The following ECHDC2 variants were observed in gnomAD, a reference collection of about 807,000 sequenced individuals.
The protein encoded by ECHDC2 is enoyl-CoA hydratase domain-containing protein 2, mitochondrial.
In ECHDC2, 34 loss-of-function variants were observed where a neutral mutation model predicts 40.6. The ratio of observed to expected loss-of-function variants is 0.84; its 90% CI spans 0.64 to 1.11. ECHDC2 has a LOEUF of 1.11. Ranked by LOEUF, ECHDC2 falls within the 50% of genes most tolerant of loss-of-function variation. The pLI is 0.00. For missense variants in ECHDC2, 392 were observed against 400.7 expected (o/e 0.98, Z 0.19); for synonymous variants, 162 against 166.6 (o/e 0.97, Z 0.21).
rs753685264 is a variant in ECHDC2 at position 52,911,567 on chromosome 1, T to C, written c.276A>G (p.Ala92=). The C allele has an allele frequency of 6.2e-7, 1 of 1,613,448 alleles. No homozygotes were observed. Among genetic ancestry groups the C allele is most frequent in the South Asian group, 1.1e-5 (1 of 91,034 alleles). The change falls in exon 3 of 10, where the codon GCA becomes GCG. Residue 92 remains alanine, a splice_region_variant and synonymous_variant. Coordinates refer to ENST00000371522, the MANE Select transcript of ECHDC2 (RefSeq NM_001198961.2). ...FRSGVKGVFC[A]GADLKEREQM... ...ATGGGGGCAGGAGAGAGAACCTACC[T>C]GCACAGAACACGCCCTTCACTCCAC...
chr1:52,911,966 G>A (rs2150062030), intron 1 of ECHDC2, 176 bp from the exon 2 acceptor site: 6 of 1,434,526 alleles, frequency 4.2e-6, no homozygotes, highest in Non-Finnish European at 5.5e-6. Flanking sequence ...ACCATAAAAT[G>A]GAGAGAAAAA....
intron 5 of ECHDC2, 28 bp downstream of exon 5, chr1:52,906,490 AC>A: frequency 6.4e-7 from 1 of 1,564,934 alleles, no homozygotes; most frequent in Middle Eastern, 1.7e-4. Flanking sequence ...CCCTAGCCCC[AC>A]CCCCTGCCCC....
chr1:52,897,536 C>T (rs557014672), intron 8 of ECHDC2, 52 bp from the exon 9 acceptor site: 8 of 1,598,086 alleles, frequency 5.0e-6, no homozygotes, highest in Non-Finnish European at 6.9e-6. Flanking sequence ...CATCTTCACC[C>T]ACACTGGAAG....
chr1:52,915,012 T>G (rs1380435060), intron 1 of ECHDC2: 1 of 344,028 alleles, frequency 2.9e-6, no homozygotes, highest in Non-Finnish European at 5.8e-6. Flanking sequence ...GTTCAACTCC[T>G]TAATACCGAC....
At chr1:52,910,789 A>C (rs1363943290) in intron 3 of ECHDC2, among the ~76,000 whole-genome samples, 1 of 152,238 alleles carries the variant, frequency 6.6e-6, no homozygotes, top group Admixed American at 6.5e-5. Flanking sequence ...AACGGAAGTG[A>C]GCACAAGATA....
intron 1 of ECHDC2, among the ~76,000 whole-genome samples, chr1:52,916,703 T>C (rs1650740920): frequency 6.6e-6 from 1 of 152,178 alleles, no homozygotes. Context: ...CACTACCACA[T>C]GCCAGGTCCT....
At chr1:52,904,894 T>C in intron 6 of ECHDC2, 61 bp from the exon 7 acceptor site, 1 of 1,596,622 alleles carries the variant, frequency 6.3e-7, no homozygotes. Flanking sequence ...CAGAGAAGGC[T>C]CAGCCTGGGA....
At chr1:52,898,972 G>T in intron 8 of ECHDC2, 1 of 650,350 alleles carries the variant, frequency 1.5e-6, no homozygotes. Flanking sequence ...GGAGAAAGAT[G>T]AGGATAGAAT....
rs746979160 is a variant in ECHDC2 at position 52,921,696 on chromosome 1, G to A, written c.-23C>T. On this transcript the variant is annotated 5_prime_UTR_variant, in exon 1 of 10. Coordinates refer to ENST00000371522, the MANE Select transcript of ECHDC2 (RefSeq NM_001198961.2). ...CATCGGGGCGCAGGCTGGGAGTGAA[G>A]GTGCTTCTCCGGCCCTGCACCGTCT... The A allele has an allele frequency of 5.9e-6, 9 of 1,529,478 alleles. No individual in the cohort carries two copies. Among genetic ancestry groups the A allele is most frequent in the African/African-American group, 1.4e-5 (1 of 72,038 alleles). 94.7% of individuals were successfully genotyped at this position (1,529,478 alleles called of 1,614,324 possible). A position where few individuals can be genotyped will look rare whatever the true frequency, so the allele number is the denominator to read the frequency against.
intron 8 of ECHDC2, 33 bp downstream of exon 8, chr1:52,899,141 G>A: frequency 6.2e-7 from 1 of 1,613,608 alleles, no homozygotes; most frequent in East Asian, 2.2e-5. Context: ...ACCAACTTTA[G>A]TGGACCCAAG....
At chr1:52,918,635 G>A (rs952181897) in intron 1 of ECHDC2, among the ~76,000 whole-genome samples, 1 of 152,066 alleles carries the variant, frequency 6.6e-6, no homozygotes, top group African/African-American at 2.4e-5. Flanking sequence ...AACATTTTTT[G>A]TACAGCCGTA....
Position 52,908,624 on chromosome 1 carries a change from A to G in ECHDC2, c.278-670T>C, listed in dbSNP as rs535710953. On this transcript the variant is annotated intron_variant, in intron 3 of 9. Coordinates refer to ENST00000371522, the MANE Select transcript of ECHDC2 (RefSeq NM_001198961.2). ...AAAGAACTTCTCCAACTAAACAACA[A>G]AACAACCCAATTCAGAAATGGGCAA... 2.6e-5 allele frequency among the ~76,000 whole-genome samples: 4 copies of G among 152,050 alleles called. No individual in the cohort carries two copies. The South Asian group carries it at 8.3e-4, about 32-fold the overall frequency.
rs924536881 is a variant in ECHDC2, at chr1:52,913,839, C to G, written c.122-2049G>C. ...TACACTCTGTGGGTTTACACAGATG[C>G]ATAATGACACGTATCTGCCTTGGCT... On this transcript the variant is annotated intron_variant, in intron 1 of 9. Transcript: ENST00000371522. 7.2e-6 allele frequency: 6 copies of G among 834,272 alleles called. No individual in the cohort carries two copies. In the African/African-American group the frequency reaches 1.1e-4, roughly 15 times the overall value. 51.7% of individuals were successfully genotyped at this position (834,272 alleles called of 1,614,324 possible). A position where few individuals can be genotyped will look rare whatever the true frequency, so the allele number is the denominator to read the frequency against.
chr1:52,912,171 C>CTTT, intron 1 of ECHDC2: 1 of 289,098 alleles, frequency 3.5e-6, no homozygotes, highest in Non-Finnish European at 5.1e-6. Flanking sequence ...CCATATTCAT[C>CTTT]TTTTTTTTTT....
chr1:52,897,489 A>AGC lies in ECHDC2; in HGVS notation c.754-6_754-5insGC. 1 of 1,614,202 alleles carries AGC rather than the reference A, an allele frequency of 6.2e-7. No individual in the cohort carries two copies. Among genetic ancestry groups the AGC allele is most frequent in the African/African-American group, 1.3e-5 (1 of 75,062 alleles). On this transcript the variant is annotated splice_region_variant and splice_polypyrimidine_tract_variant and intron_variant, in intron 8 of 9. Transcript: ENST00000371522. ...CATCCCAGATGCAATGTCCACCTGC[A>AGC]AGAAAGACGTGCTCCCTGGATTGGT...
At chr1:52,912,472 T>G (rs751089133) in intron 1 of ECHDC2, among the ~76,000 whole-genome samples, 1 of 152,102 alleles carries the variant, frequency 6.6e-6, no homozygotes, top group Non-Finnish European at 1.5e-5. Context: ...CCTCCCAAAG[T>G]GCTGGGATTA....
At chr1:52,907,188 C>T (rs1648142137) in intron 4 of ECHDC2, 1 of 150,876 alleles carries the variant, frequency 6.6e-6, no homozygotes, top group African/African-American at 2.5e-5. Context: ...ACCTCTGCTT[C>T]CCGCAGCCAG....
chr1:52,917,992 AG>A (rs1296318407), intron 1 of ECHDC2, among the ~76,000 whole-genome samples: 1 of 152,142 alleles, frequency 6.6e-6, no homozygotes, highest in Non-Finnish European at 1.5e-5. Context: ...TTTTTGAGAC[AG>A]GGTCTTACTC....
At chr1:52,915,661 TTCAGAGCAGTC>T (rs1466487775) in intron 1 of ECHDC2, among the ~76,000 whole-genome samples, 1 of 152,098 alleles carries the variant, frequency 6.6e-6, no homozygotes, top group African/African-American at 2.4e-5. Flanking sequence ...CCCCACAAAC[TTCAGAGCAGTC>T]TAGATCCAAG....
Sources: gnomAD v4.1 joint callset for allele counts (sites outside exome capture counted in the v4.1 genomes callset) on GRCh38, gnomAD v4.1.1 for gene constraint, MANE v1.5 for transcripts, NCBI Gene and HGNC (gene_info 2026-07-23, HGNC 2026-07-21) for gene names.